Variants in DAP3 observed in about 807,000 individuals in gnomAD.
DAP3 encodes the protein small ribosomal subunit protein mS29.
Under a neutral mutation model 51.9 loss-of-function variants are expected in DAP3, and 28 were observed. That is an observed-to-expected ratio of 0.54 (90% CI 0.40 to 0.74). The LOEUF (loss-of-function observed/expected upper bound fraction) is 0.74, where lower values mean the gene tolerates loss of function less well. Among genes scored for constraint, DAP3 ranks in the 30% least tolerant of loss-of-function variants. The pLI is 0.00. For synonymous variants in DAP3, 170 were observed against 170.3 expected (o/e 1.00, Z 0.01); for missense variants, 458 against 483.5 (o/e 0.95, Z 0.49).
intron 1 of DAP3, among the ~76,000 whole-genome samples, chr1:155,705,539 G>A (rs1571463715): frequency 6.7e-6 from 1 of 149,632 alleles, no homozygotes; most frequent in East Asian, 2.0e-4. Context: ...AGAGTTTGAG[G>A]CTACAGTGTG....
At chr1:155,698,086 C>A (rs1286463001) in intron 1 of DAP3, among the ~76,000 whole-genome samples, 5 of 152,180 alleles carry the variant, frequency 3.3e-5, no homozygotes, top group Admixed American at 2.0e-4. Context: ...CGTTGTTATC[C>A]TGTTCTTTTC....
chr1:155,694,606 G>A lies in DAP3; in HGVS notation c.-8+5432G>A, dbSNP rs1367827135. Among the ~76,000 whole-genome samples, 4 of 122,774 alleles carry A rather than the reference G, an allele frequency of 3.3e-5. 2 individuals carry two copies. The highest frequency in any genetic ancestry group is 2.9e-4 in the African/African-American group (4 of 13,680). 80.5% of individuals were successfully genotyped at this position (122,774 alleles called of 152,430 possible). A position where few individuals can be genotyped will look rare whatever the true frequency, so the allele number is the denominator to read the frequency against. On this transcript the variant is annotated intron_variant, in intron 1 of 12. Transcript: ENST00000368336. ...TGGTCTTCATCTGGTTGGCTGAAATGTTCATTCGAGCCATCAGGCGTGCTG... is the reference window on the plus strand; with the variant it reads ...TGGTCTTCATCTGGTTGGCTGAAATATTCATTCGAGCCATCAGGCGTGCTG...
chr1:155,706,681 C>T (rs889896712), intron 1 of DAP3, among the ~76,000 whole-genome samples: 2 of 151,760 alleles, frequency 1.3e-5, no homozygotes, highest in African/African-American at 2.4e-5. Flanking sequence ...GCAGGAGAAT[C>T]GCTTGAGCCC....
intron 1 of DAP3, among the ~76,000 whole-genome samples, chr1:155,698,671 A>C (rs545079235): frequency 2.6e-5 from 4 of 152,280 alleles, no homozygotes; most frequent in African/African-American, 7.2e-5. Context: ...CAATCTTTCA[A>C]TTCCAAAGTT....
chr1:155,728,480 T>G (rs898358871), intron 7 of DAP3, among the ~76,000 whole-genome samples: 2 of 152,106 alleles, frequency 1.3e-5, no homozygotes, highest in Non-Finnish European at 2.9e-5. Flanking sequence ...GGGAATCTCT[T>G]GAACCTGGGA....
intron 2 of DAP3, among the ~76,000 whole-genome samples, chr1:155,715,007 A>G (rs1657158276): frequency 6.6e-6 from 1 of 151,964 alleles, no homozygotes; most frequent in Non-Finnish European, 1.5e-5. Context: ...GTTTGAGACC[A>G]GCCTGGCCAA....
At chr1:155,726,284 A>AT in intron 6 of DAP3, 2 of 182,884 alleles carry the variant, frequency 1.1e-5, no homozygotes, top group South Asian at 1.2e-4. Context: ...ACGCCCAGCT[A>AT]ATTTTTTTTT....
At chr1:155,726,553 A>C (rs1417087078) in intron 6 of DAP3, among the ~76,000 whole-genome samples, 1 of 151,884 alleles carries the variant, frequency 6.6e-6, no homozygotes, top group Non-Finnish European at 1.5e-5. Context: ...TGGCCTCCCA[A>C]AGTGCTGGGA....
chr1:155,688,640 C>T, upstream of DAP3: 2 of 1,534,474 alleles, frequency 1.3e-6, no homozygotes, highest in Non-Finnish European at 8.7e-7. Context: ...CCGGCTCCAG[C>T]GCAGGCCCTC....
chr1:155,714,719 C>T (rs1164695543), intron 2 of DAP3, among the ~76,000 whole-genome samples: 1 of 152,076 alleles, frequency 6.6e-6, no homozygotes, highest in East Asian at 1.9e-4. Context: ...CATGCCATTG[C>T]ATCCCAGCCT....
Position 155,713,959 on chromosome 1 carries a change from A to G in DAP3, c.46-3047A>G, listed in dbSNP as rs528594639. Among the ~76,000 whole-genome samples the G allele has an allele frequency of 5.3e-5, 8 of 152,372 alleles. No individual in the cohort carries two copies. In the East Asian group the frequency reaches 1.5e-3, roughly 29 times the overall value. On this transcript the variant is annotated intron_variant, in intron 2 of 12. Transcript: ENST00000368336. ...AAAGAGTGCTATTAGCAGAAAGGAA[A>G]GAGAATTACTTTTGACTGGAGGTGT... is the stretch of plus-strand genomic sequence containing the variant.
rs183780992 is a variant in DAP3 at position 155,697,564 on chromosome 1, C to G, written c.-8+8390C>G. On this transcript the variant is annotated intron_variant, in intron 1 of 12. Coordinates refer to ENST00000368336, the MANE Select transcript of DAP3 (RefSeq NM_004632.4). ...ACCAGCAAGTTTTTATTATGGATTTCAAAAGGGGAGGGGTGTACGAATAGG... is the reference window on the plus strand; with the variant it reads ...ACCAGCAAGTTTTTATTATGGATTTGAAAAGGGGAGGGGTGTACGAATAGG... 3.1e-4 allele frequency among the ~76,000 whole-genome samples: 47 copies of G among 152,044 alleles called. 1 individual carries two copies. The highest frequency in any genetic ancestry group is 9.4e-4 in the African/African-American group (39 of 41,494).
At chr1:155,698,721 T>A (rs1376099095) in intron 1 of DAP3, among the ~76,000 whole-genome samples, 4 of 152,210 alleles carry the variant, frequency 2.6e-5, no homozygotes, top group Admixed American at 2.0e-4. Flanking sequence ...TTCCACAGCA[T>A]AAAACAAATC....
chr1:155,688,818 T>C, upstream of DAP3: 2 of 1,568,188 alleles, frequency 1.3e-6, no homozygotes, highest in Non-Finnish European at 1.7e-6. Flanking sequence ...CGCGGGACTG[T>C]TCCATTCCTG....
chr1:155,713,999 CTGAGGA>C (rs1657029120), intron 2 of DAP3, among the ~76,000 whole-genome samples: 1 of 152,108 alleles, frequency 6.6e-6, no homozygotes, highest in Non-Finnish European at 1.5e-5. Flanking sequence ...CAAATTTTCA[CTGAGGA>C]TGTGACATTC....
At chr1:155,721,423 TAG>T (rs1557786335) in intron 3 of DAP3, 92 bp from the exon 4 acceptor site, 10 of 745,950 alleles carry the variant, frequency 1.3e-5, no homozygotes, top group African/African-American at 1.0e-4. Context: ...TATATACACA[TAG>T]ACATACATAT....
rs183102879 is a variant in DAP3, at chr1:155,706,049, T to C, written c.-7-3724T>C. 5.8e-4 allele frequency among the ~76,000 whole-genome samples: 88 copies of C among 152,230 alleles called. No individual in the cohort carries two copies. The East Asian group carries it at 0.011, about 20-fold the overall frequency. ...ATTTAGACCAGATCTGAGTGTATCA[T>C]GCAGGCTGGAGTACAGTGGCATGAT... is the stretch of plus-strand genomic sequence containing the variant. On this transcript the variant is annotated intron_variant, in intron 1 of 12. Transcript: ENST00000368336.
At chr1:155,689,012 C>T (rs1342099857), upstream of DAP3, 2 of 1,590,972 alleles carry the variant, frequency 1.3e-6, no homozygotes, top group East Asian at 4.6e-5. Flanking sequence ...CGGCCTAGCG[C>T]CCCTCTGCCG....
At chr1:155,713,001 G>T (rs1285463552) in intron 2 of DAP3, among the ~76,000 whole-genome samples, 2 of 152,158 alleles carry the variant, frequency 1.3e-5, no homozygotes, top group Non-Finnish European at 2.9e-5. Context: ...TAACACAAAG[G>T]ATATTGTTTG....
Sources: gnomAD v4.1 joint callset for allele counts (sites outside exome capture counted in the v4.1 genomes callset) on GRCh38, gnomAD v4.1.1 for gene constraint, MANE v1.5 for transcripts, NCBI Gene and HGNC (gene_info 2026-07-23, HGNC 2026-07-21) for gene names.